GABRG3: variants seen among roughly 807,000 people sequenced by gnomAD.
GABRG3 encodes gamma-aminobutyric acid type A receptor subunit gamma3, also known as gamma-aminobutyric acid receptor subunit gamma-3.
Under a neutral mutation model 48.8 loss-of-function variants are expected in GABRG3, and 25 were observed. That is an observed-to-expected ratio of 0.51 (90% confidence interval 0.37 to 0.72). The LOEUF is 0.72. Ranked by LOEUF, GABRG3 falls within the 30% of genes least tolerant of loss-of-function variation. GABRG3 has a pLI of 0.00. For synonymous variants in GABRG3, 227 were observed against 217.6 expected (o/e 1.04, Z -0.38); for missense variants, 394 against 577.9 (o/e 0.68, Z 3.26).
intron 3 of GABRG3, among the ~76,000 whole-genome samples, chr15:27,315,890 A>G (rs946600497): frequency 2.4e-4 from 36 of 152,306 alleles, no homozygotes; most frequent in Non-Finnish European, 3.2e-4. Flanking sequence ...AAGCTACTTT[A>G]TATCTTTGAA....
chr15:27,008,751 A>G (rs1042083480), intron 2 of GABRG3, among the ~76,000 whole-genome samples: 2 of 151,960 alleles, frequency 1.3e-5, no homozygotes, highest in Non-Finnish European at 2.9e-5. Context: ...AATCCGGTAA[A>G]TGGCACCCGC....
At chr15:27,532,477 G>GCACACCCAC in intron 9 of GABRG3, 123 bp from the exon 10 acceptor site, 1 of 871,158 alleles carries the variant, frequency 1.1e-6, no homozygotes, top group Non-Finnish European at 1.7e-6. Context: ...GGGGGGAAGG[G>GCACACCCAC]CACACCCACG....
chr15:27,171,429 T>C (rs1187147591), intron 3 of GABRG3, among the ~76,000 whole-genome samples: 3 of 151,870 alleles, frequency 2.0e-5, no homozygotes, highest in South Asian at 2.1e-4. Context: ...AGTCACTACA[T>C]TGAGTCACTT....
chr15:27,498,983 AG>A (rs1204975774), intron 6 of GABRG3, among the ~76,000 whole-genome samples: 1 of 152,204 alleles, frequency 6.6e-6, no homozygotes, highest in Non-Finnish European at 1.5e-5. Flanking sequence ...GGCTGCGCTT[AG>A]TCCAGCCTTT....
chr15:27,374,052 T>C (rs770540012), intron 5 of GABRG3, among the ~76,000 whole-genome samples: 2 of 152,042 alleles, frequency 1.3e-5, no homozygotes, highest in Non-Finnish European at 2.9e-5. Context: ...AGAATTCTTA[T>C]GATTTTATAA....
intron 5 of GABRG3, among the ~76,000 whole-genome samples, chr15:27,374,350 C>T (rs767669545): frequency 2.0e-5 from 3 of 151,918 alleles, no homozygotes; most frequent in Non-Finnish European, 4.4e-5. Context: ...AGGCTAGTCT[C>T]GAACTCCTGG....
chr15:27,299,430 G>T (rs907749712), intron 3 of GABRG3, among the ~76,000 whole-genome samples: 1 of 152,168 alleles, frequency 6.6e-6, no homozygotes, highest in Non-Finnish European at 1.5e-5. Flanking sequence ...AATCATCAAT[G>T]AATTTACATT....
At chr15:27,207,652 C>CA (rs1692280092) in intron 3 of GABRG3, among the ~76,000 whole-genome samples, 1 of 152,182 alleles carries the variant, frequency 6.6e-6, no homozygotes, top group African/African-American at 2.4e-5. Flanking sequence ...TGGGGGACAC[C>CA]AGGGGGGCAC....
intron 3 of GABRG3, among the ~76,000 whole-genome samples, chr15:27,287,093 C>T (rs1000334827): frequency 2.6e-5 from 4 of 152,158 alleles, no homozygotes; most frequent in African/African-American, 9.7e-5. Context: ...CTTAGTAGTT[C>T]TATCCTTTTC....
At chr15:27,025,034 A>AG (rs1184673113) in intron 2 of GABRG3, among the ~76,000 whole-genome samples, 1 of 151,482 alleles carries the variant, frequency 6.6e-6, no homozygotes, top group East Asian at 1.9e-4. Context: ...CAAAAAAAAA[A>AG]AAAAAAAAAA....
chr15:27,522,053 C>T lies in GABRG3; in HGVS notation c.865+1929C>T, dbSNP rs74915005. Among the ~76,000 whole-genome samples the T allele has an allele frequency of 6.6e-3, 1,005 of 151,844 alleles. 44 individuals are homozygous for T. In the East Asian group the frequency reaches 0.12, roughly 18 times the overall value. On this transcript the variant is annotated intron_variant, in intron 7 of 9. Coordinates refer to ENST00000615808, the MANE Select transcript of GABRG3 (RefSeq NM_033223.5). ...TAGTGAGATACAAGTAAGATAAATA[C>T]GAAGAAAACCATCATAGTCCAAATG...
rs542548389 is a variant in GABRG3, at chr15:27,508,622, C to T, written c.713-11350C>T. Among the ~76,000 whole-genome samples, 22 of 152,290 alleles carry T rather than the reference C, an allele frequency of 1.4e-4. No individual in the cohort carries two copies. The East Asian group carries it at 4.1e-3, about 28-fold the overall frequency. On this transcript the variant is annotated intron_variant, in intron 6 of 9. Transcript: ENST00000615808. Reference sequence around the variant, plus strand: ...TCTGAATATATTATATTCCATATCTCTGAAGAACTTCCTTTCCATTTCTCG... The same window carrying T: ...TCTGAATATATTATATTCCATATCTTTGAAGAACTTCCTTTCCATTTCTCG...
intron 3 of GABRG3, among the ~76,000 whole-genome samples, chr15:27,189,202 G>T (rs1182782764): frequency 6.6e-6 from 1 of 151,390 alleles, no homozygotes; most frequent in Non-Finnish European, 1.5e-5. Flanking sequence ...GATTGACTTG[G>T]CGATGCGGGC....
intron 3 of GABRG3, among the ~76,000 whole-genome samples, chr15:27,143,311 C>G (rs1346773397): frequency 6.6e-6 from 1 of 152,056 alleles, no homozygotes; most frequent in Non-Finnish European, 1.5e-5. Context: ...AACTCTTGGA[C>G]TCAAGCAATA....
intron 5 of GABRG3, among the ~76,000 whole-genome samples, chr15:27,391,130 G>T (rs952619741): frequency 1.3e-5 from 2 of 151,560 alleles, no homozygotes; most frequent in African/African-American, 4.8e-5. Flanking sequence ...AATGGCACCT[G>T]ATGCAGATGT....
chr15:27,209,655 C>T lies in GABRG3; in HGVS notation c.271-117154C>T, dbSNP rs141313428. ...GTGGGTGGGCCTCCCTGGTCTTATA[C>T]AGGGCAGCTGTCTCTGGAGGCCACC... On this transcript the variant is annotated intron_variant, in intron 3 of 9. Coordinates refer to ENST00000615808, the MANE Select transcript of GABRG3 (RefSeq NM_033223.5). 8.2e-3 allele frequency among the ~76,000 whole-genome samples: 1,248 copies of T among 152,300 alleles called. 4 individuals carry two copies. Among genetic ancestry groups the T allele is most frequent in the Non-Finnish European group, 0.013 (877 of 68,014 alleles).
At chr15:27,476,984 C>A (rs1889959334) in intron 5 of GABRG3, among the ~76,000 whole-genome samples, 1 of 152,100 alleles carries the variant, frequency 6.6e-6, no homozygotes, top group African/African-American at 2.4e-5. Flanking sequence ...AATGAGAAAC[C>A]ATGGAAGCCA....
intron 3 of GABRG3, among the ~76,000 whole-genome samples, chr15:27,112,679 A>G (rs574928412): frequency 6.6e-6 from 1 of 152,202 alleles, no homozygotes; most frequent in South Asian, 2.1e-4. Context: ...AGCTCAAGTG[A>G]TATGCCCTCC....
In GABRG3 at chr15:27,083,684, G is replaced by A. The variant is rs574023676; in HGVS notation, c.270+56863G>A. Among the ~76,000 whole-genome samples, 40 of 152,084 alleles carry A rather than the reference G, an allele frequency of 2.6e-4. 2 individuals carry two copies. The South Asian group carries it at 8.3e-3, about 32-fold the overall frequency. ...CCAAGTGCCTGCAGTTATATGCAAT[G>A]GCCAAAAAACCATGGCCTCATGAAG... On this transcript the variant is annotated intron_variant, in intron 3 of 9. Transcript: ENST00000615808.
Sources: gnomAD v4.1 joint callset for allele counts (sites outside exome capture counted in the v4.1 genomes callset) on GRCh38, gnomAD v4.1.1 for gene constraint, MANE v1.5 for transcripts, NCBI Gene and HGNC (gene_info 2026-07-23, HGNC 2026-07-21) for gene names.